The following VTI1A variants were observed in gnomAD, a reference collection of about 807,000 sequenced individuals.
VTI1A encodes vesicle transport through interaction with t-SNAREs 1A.
Under a neutral mutation model 34.9 loss-of-function variants are expected in VTI1A, and 22 were observed. The observed-to-expected ratio is 0.63, with a 90% CI of 0.45 to 0.90. The LOEUF is 0.90. Ranked by LOEUF, VTI1A falls within the 40% of genes least tolerant of loss-of-function variation. The pLI is 0.00. For synonymous variants in VTI1A, 87 were observed against 97.3 expected, an observed-to-expected ratio of 0.89 and a Z score of 0.62; for missense variants, 268 against 275.6, an observed-to-expected ratio of 0.97 and a Z score of 0.20.
At chr10:112,545,855 C>T (rs1851062265) in intron 5 of VTI1A, among the ~76,000 whole-genome samples, 1 of 151,070 alleles carries the variant, frequency 6.6e-6, no homozygotes, top group Non-Finnish European at 1.5e-5. Flanking sequence ...GTGTTTGTGG[C>T]TGTGTGTGTG....
chr10:112,529,974 A>G (rs1405518975), intron 4 of VTI1A, among the ~76,000 whole-genome samples: 5 of 152,154 alleles, frequency 3.3e-5, no homozygotes, highest in Non-Finnish European at 5.9e-5. Context: ...TAGTCTGCCA[A>G]TTAACTATAA....
intron 5 of VTI1A, among the ~76,000 whole-genome samples, chr10:112,565,568 A>AT (rs1003051966): frequency 6.6e-5 from 10 of 152,306 alleles, no homozygotes; most frequent in Admixed American, 5.9e-4. Context: ...GCCATATTAT[A>AT]TTTTTAAACC....
intron 1 of VTI1A, among the ~76,000 whole-genome samples, chr10:112,454,206 C>A (rs1184416995): frequency 6.6e-6 from 1 of 152,206 alleles, no homozygotes; most frequent in Non-Finnish European, 1.5e-5. Context: ...TGCACAAAGA[C>A]AGGTACAAGT....
intron 5 of VTI1A, among the ~76,000 whole-genome samples, chr10:112,598,840 C>G (rs576639734): frequency 6.6e-6 from 1 of 152,144 alleles, no homozygotes; most frequent in African/African-American, 2.4e-5. Flanking sequence ...AAAGAAAGAC[C>G]TGCTATGCAT....
intron 5 of VTI1A, among the ~76,000 whole-genome samples, chr10:112,539,443 A>G (rs543209697): frequency 2.0e-5 from 3 of 152,352 alleles, no homozygotes; most frequent in African/African-American, 7.2e-5. Context: ...AAAAAACTAA[A>G]GAAAACCACA....
chr10:112,589,472 CTCTT>C (rs1345671266), intron 5 of VTI1A, among the ~76,000 whole-genome samples: 15 of 152,120 alleles, frequency 9.9e-5, no homozygotes, highest in Non-Finnish European at 2.1e-4. Context: ...TCCAGTAAAG[CTCTT>C]TCTTTTGTAA....
chr10:112,820,514 G>C (rs1208299984), downstream of VTI1A, among the ~76,000 whole-genome samples: 1 of 152,262 alleles, frequency 6.6e-6, no homozygotes, highest in Non-Finnish European at 1.5e-5. Context: ...TCAGCAGTCA[G>C]GTGGCTCTCA....
At chr10:112,846,669 G>A in the VTI1A span, among the ~76,000 whole-genome samples, 3 of 152,026 alleles carry the variant, frequency 2.0e-5, no homozygotes, top group Non-Finnish European at 4.4e-5. Flanking sequence ...AAGAGGCTGA[G>A]GCAGGAAAAT....
intron 7 of VTI1A, among the ~76,000 whole-genome samples, chr10:112,689,079 G>A (rs1848528340): frequency 6.6e-6 from 1 of 152,102 alleles, no homozygotes; most frequent in South Asian, 2.1e-4. Flanking sequence ...CCTTTCTATA[G>A]TGACCATCCA....
chr10:112,691,392 C>T (rs961981727), intron 7 of VTI1A, among the ~76,000 whole-genome samples: 23 of 152,210 alleles, frequency 1.5e-4, no homozygotes, highest in Admixed American at 1.2e-3. Flanking sequence ...ACATTCTAAA[C>T]TCAGTTCTAC....
intron 7 of VTI1A, among the ~76,000 whole-genome samples, chr10:112,747,285 T>C (rs1038672898): frequency 4.6e-5 from 7 of 152,244 alleles, no homozygotes; most frequent in African/African-American, 1.7e-4. Context: ...CTTATTAGCA[T>C]GCATTGCTTG....
Position 112,794,461 on chromosome 10 carries a change from A to G in VTI1A, c.561-20829A>G, listed in dbSNP as rs539844527. 9.3e-4 allele frequency among the ~76,000 whole-genome samples: 142 copies of G among 152,252 alleles called. No individual in the cohort carries two copies. In the South Asian group the frequency reaches 0.017, roughly 18 times the overall value. On this transcript the variant is annotated intron_variant, in intron 7 of 7. Coordinates refer to ENST00000393077, the MANE Select transcript of VTI1A (RefSeq NM_145206.4). ...CAGCTACTCAGGAGGCTGAGGTGGG[A>G]GGACTGCTTGAGCCCAGGAGGTTGA...
At chr10:112,560,744 G>A (rs1041297082) in intron 5 of VTI1A, among the ~76,000 whole-genome samples, 13 of 151,568 alleles carry the variant, frequency 8.6e-5, no homozygotes, top group Non-Finnish European at 1.8e-4. Context: ...CTACAGGCGC[G>A]CACCATCACG....
chr10:112,635,392 G>A (rs529815190), intron 5 of VTI1A, among the ~76,000 whole-genome samples: 21 of 152,290 alleles, frequency 1.4e-4, no homozygotes, highest in African/African-American at 4.6e-4. Context: ...ACAGGGAACC[G>A]CAAGGGTCAA....
Position 112,568,659 on chromosome 10 carries a change from T to C in VTI1A, c.427+30329T>C, listed in dbSNP as rs546773214. On this transcript the variant is annotated intron_variant, in intron 5 of 7. Transcript: ENST00000393077. ...AACTCTAAATAAGATCCCCGTCTTA[T>C]CCTATAACAATCACCCAGCCAGCTA... Among the ~76,000 whole-genome samples the C allele has an allele frequency of 3.3e-5, 5 of 152,322 alleles. No homozygotes were observed. In the East Asian group the frequency reaches 9.6e-4, roughly 29 times the overall value.
intron 7 of VTI1A, among the ~76,000 whole-genome samples, chr10:112,755,259 A>AG (rs1851243039): frequency 7.2e-6 from 1 of 138,390 alleles, no homozygotes; most frequent in African/African-American, 2.5e-5. Flanking sequence ...GTCTCAAAAA[A>AG]AAAAGAAAGA....
At chr10:112,798,586 A>G (rs1456484311) in intron 7 of VTI1A, among the ~76,000 whole-genome samples, 1 of 152,066 alleles carries the variant, frequency 6.6e-6, no homozygotes, top group Non-Finnish European at 1.5e-5. Flanking sequence ...GCTGCCAAAT[A>G]CAGGACCTGA....
intron 5 of VTI1A, among the ~76,000 whole-genome samples, chr10:112,629,522 G>A (rs1846054112): frequency 6.6e-6 from 1 of 152,168 alleles, no homozygotes; most frequent in Non-Finnish European, 1.5e-5. Context: ...TTCCAGTTAG[G>A]CTTCCCTTAG....
intron 3 of VTI1A, among the ~76,000 whole-genome samples, chr10:112,508,659 G>T (rs995669901): frequency 1.3e-5 from 2 of 152,130 alleles, no homozygotes; most frequent in Admixed American, 6.6e-5. Flanking sequence ...CTGCACCCAC[G>T]CAGGTAATAA....
Sources: gnomAD v4.1 joint callset for allele counts (sites outside exome capture counted in the v4.1 genomes callset) on GRCh38, gnomAD v4.1.1 for gene constraint, MANE v1.5 for transcripts, NCBI Gene and HGNC (gene_info 2026-07-23, HGNC 2026-07-21) for gene names.